The following NPPC variants were observed in gnomAD, a reference collection of about 807,000 sequenced individuals.
NPPC encodes the protein natriuretic peptide C.
Under a neutral mutation model 10.2 loss-of-function variants are expected in NPPC, and 4 were observed. That is an observed-to-expected ratio of 0.39 (90% CI 0.19 to 0.90). The LOEUF is 0.90. NPPC is among the 40% of genes least tolerant of loss of function. The pLI is 0.37. For missense variants in NPPC, 182 were observed against 173.8 expected (o/e 1.05, Z -0.26); for synonymous variants, 83 against 87.3 (o/e 0.95, Z 0.27).
intron 1 of NPPC, 134 bp from the exon 2 acceptor site, chr2:231,925,849 A>G: frequency 8.9e-7 from 1 of 1,126,910 alleles, no homozygotes; most frequent in Non-Finnish European, 1.2e-6. Flanking sequence ...GATGCCGGCC[A>G]GCTTGGCCCC....
Position 231,922,056 on chromosome 2 carries a change from G to A in NPPC, c.*280C>T, listed in dbSNP as rs1273910890. The stretch of plus-strand genomic sequence containing the variant: ...AAAAACTGTCCCTTGTCATCAAGTC[G>A]GTGTAGGTGTGTGTGTTTCATGTAT... On this transcript the variant is annotated 3_prime_UTR_variant, in exon 3 of 3. Transcript: ENST00000409852. 4.6e-5 allele frequency: 7 copies of A among 150,866 alleles called. No homozygotes were observed. Among genetic ancestry groups the A allele is most frequent in the Non-Finnish European group, 7.4e-5 (5 of 67,782 alleles). The allele number at this position is 150,866 out of a possible 1,614,324, so 9.3% of individuals were successfully genotyped here. A position where few individuals can be genotyped will look rare whatever the true frequency, so the allele number is the denominator to read the frequency against.
Position 231,925,466 on chromosome 2 carries a change from T to C in NPPC, c.340A>G (p.Lys114Glu), listed in dbSNP as rs1342311553. 6.2e-7 allele frequency: 1 copy of C among 1,612,238 alleles called. No individual in the cohort carries two copies. Among genetic ancestry groups the C allele is most frequent in the South Asian group, 1.1e-5 (1 of 90,792 alleles). The change falls in exon 2 of 3, where the codon AAG becomes GAG. Residue 114 changes from lysine (K) to glutamate (E), a missense_variant. Coordinates refer to ENST00000409852, the MANE Select transcript of NPPC (RefSeq NM_024409.4). ...CTCATGGAGCCGATTCGGTCCAGCT[T>C]GAGGCCGAAGCAGCCCTTGGACAAG... ...KGLSKGCFGL[K>E]LDRIGSMSGL...
Position 231,926,196 on chromosome 2 carries a change from G to T in NPPC, c.54C>A (p.Leu18=). 7.5e-7 allele frequency: 1 copy of T among 1,331,338 alleles called. No homozygotes were observed. Among genetic ancestry groups the T allele is most frequent in the Non-Finnish European group, 9.6e-7 (1 of 1,038,192 alleles). The allele number at this position is 1,331,338 out of a possible 1,614,324, so 82.5% of individuals were successfully genotyped here. Residue 18 remains leucine, a synonymous_variant, in exon 1 of 3, where the codon CTC becomes CTA. Transcript: ENST00000409852. ...ACALLLTLLS[L]RPSEAKPGAP... is the part of the protein sequence containing the mutation. Reference sequence around the variant, plus strand: ...CCCCGGGCTTGGCTTCGGAGGGCCGGAGGGAGAGCAGCGTGAGCAGCAGGG... The same window carrying T: ...CCCCGGGCTTGGCTTCGGAGGGCCGTAGGGAGAGCAGCGTGAGCAGCAGGG...
rs1691938128 is a variant in NPPC at position 231,922,198 on chromosome 2, A to G, written c.*138T>C. The G allele has an allele frequency of 6.6e-6, 1 of 152,058 alleles. No individual in the cohort carries two copies. The highest frequency in any genetic ancestry group is 2.1e-4 in the South Asian group (1 of 4,830). 9.4% of individuals were successfully genotyped at this position (152,058 alleles called of 1,614,324 possible). On this transcript the variant is annotated 3_prime_UTR_variant, in exon 3 of 3. Transcript: ENST00000409852. ...GCTGGTGTTGTGTATTCCCAGTACC[A>G]GGAAAAAAAAAGAAAGAAAGAAAGA...
chr2:231,925,579 C>T lies in NPPC; in HGVS notation c.227G>A (p.Arg76His). ...GDRSRLLRDL[R>H]VDTKSRAAWA... Reference sequence around the variant, plus strand: ...CGCTGCCCGCGACTTGGTGTCCACGCGCAGGTCCCGGAGCAGTCGCGACCG... The same window carrying T: ...CGCTGCCCGCGACTTGGTGTCCACGTGCAGGTCCCGGAGCAGTCGCGACCG... Residue 76 changes from arginine to histidine, a missense_variant, in exon 2 of 3, where the codon CGC (arginine) becomes CAC (histidine). By Grantham distance (29) the Arg-to-His change is conservative. Transcript: ENST00000409852. 6.2e-7 allele frequency: 1 copy of T among 1,612,354 alleles called. No individual in the cohort carries two copies. Among genetic ancestry groups the T allele is most frequent in the Non-Finnish European group, 8.5e-7 (1 of 1,179,618 alleles).
chr2:231,925,455 T>G lies in NPPC; in HGVS notation c.351A>C (p.Arg117=). 1 of 1,610,308 alleles carries G rather than the reference T, an allele frequency of 6.2e-7. No homozygotes were observed. ...ATCCCAGGCCGCTCATGGAGCCGAT[T>G]CGGTCCAGCTTGAGGCCGAAGCAGC... ...SKGCFGLKLD[R]IGSMSGLGC Residue 117 remains arginine, a synonymous_variant, in exon 2 of 3, where the codon CGA becomes CGC. Coordinates refer to ENST00000409852, the MANE Select transcript of NPPC (RefSeq NM_024409.4).
intron 1 of NPPC, 89 bp from the exon 2 acceptor site, chr2:231,925,804 G>T (rs1691998844): frequency 1.5e-6 from 2 of 1,375,974 alleles, no homozygotes; most frequent in Non-Finnish European, 1.9e-6. Flanking sequence ...CCGCCGGCGC[G>T]GGGTGTCCCT....
chr2:231,923,923 G>A lies in NPPC; in HGVS notation c.*20+1482C>T, dbSNP rs147087983. On this transcript the variant is annotated intron_variant, in intron 2 of 2. Coordinates refer to ENST00000409852, the MANE Select transcript of NPPC (RefSeq NM_024409.4). Reference sequence around the variant, plus strand: ...CTGAAAATTTGAGGCCTCAGACTCCGTCTCTTTGTTGTTTAGACAGGAGAG... The same window carrying A: ...CTGAAAATTTGAGGCCTCAGACTCCATCTCTTTGTTGTTTAGACAGGAGAG... Among the ~76,000 whole-genome samples the A allele has an allele frequency of 2.7e-3, 413 of 152,338 alleles. 2 individuals carry two copies. Among genetic ancestry groups the A allele is most frequent in the African/African-American group, 9.5e-3 (396 of 41,578 alleles).
rs377696754 is a variant in NPPC at position 231,926,256 on chromosome 2, G to A, written c.-7C>T. ...GCAGCTGGGAGAGATGCATGGTGCC[G>A]CTGGGGTCGAGGGGCGCACACGGGC... On this transcript the variant is annotated 5_prime_UTR_variant, in exon 1 of 3. Coordinates refer to ENST00000409852, the MANE Select transcript of NPPC (RefSeq NM_024409.4). The A allele has an allele frequency of 1.7e-4, 214 of 1,295,662 alleles. No individual in the cohort carries two copies. In the African/African-American group the frequency reaches 3.1e-3, roughly 18 times the overall value. The allele number at this position is 1,295,662 out of a possible 1,614,324, so 80.3% of individuals were successfully genotyped here.
At chr2:231,925,246 C>T in intron 2 of NPPC, 159 bp downstream of exon 2, 1 of 619,046 alleles carries the variant, frequency 1.6e-6, no homozygotes. Flanking sequence ...TCACGTTATC[C>T]TTCGCTTTCT....
chr2:231,923,302 C>T (rs1441942391), intron 2 of NPPC, among the ~76,000 whole-genome samples: 1 of 152,266 alleles, frequency 6.6e-6, no homozygotes, highest in East Asian at 1.9e-4. Context: ...CTGTCATTAG[C>T]ATTTTACAAT....
At position 231,925,578 on chromosome 2, in the gene NPPC, G is replaced by A. The variant is rs76093905; in HGVS notation, c.228C>T (p.Arg76=). ...GDRSRLLRDL[R]VDTKSRAAWA... is the part of the protein sequence containing the mutation. The stretch of plus-strand genomic sequence containing the variant: ...ACGCTGCCCGCGACTTGGTGTCCAC[G>A]CGCAGGTCCCGGAGCAGTCGCGACC... The change falls in exon 2 of 3, where the codon CGC becomes CGT. Residue 76 remains arginine (R), a synonymous_variant. Coordinates refer to ENST00000409852, the MANE Select transcript of NPPC (RefSeq NM_024409.4). 6.2e-7 allele frequency: 1 copy of A among 1,612,334 alleles called. No homozygotes were observed. Among genetic ancestry groups the A allele is most frequent in the East Asian group, 2.2e-5 (1 of 44,834 alleles).
intron 2 of NPPC, among the ~76,000 whole-genome samples, chr2:231,924,471 G>A (rs1020863082): frequency 1.3e-5 from 2 of 152,228 alleles, no homozygotes; most frequent in Non-Finnish European, 2.9e-5. Context: ...CTGAGCTGGA[G>A]GCAAGAAAGC....
At chr2:231,925,306 C>T in intron 2 of NPPC, 99 bp downstream of exon 2, 1 of 1,054,128 alleles carries the variant, frequency 9.5e-7, no homozygotes, top group Non-Finnish European at 1.3e-6. Context: ...ACGCCTAGCA[C>T]AACTTGAGCA....
intron 2 of NPPC, among the ~76,000 whole-genome samples, chr2:231,923,317 A>G (rs928030708): frequency 3.3e-5 from 5 of 152,262 alleles, no homozygotes; most frequent in African/African-American, 1.2e-4. Context: ...TACAATGAAT[A>G]CCTAGAACCA....
chr2:231,922,691 G>A (rs556081584), intron 2 of NPPC, among the ~76,000 whole-genome samples: 11 of 152,180 alleles, frequency 7.2e-5, no homozygotes, highest in Non-Finnish European at 1.5e-4. Flanking sequence ...CCCGGGGTTC[G>A]TGTGTCTGAG....
intron 2 of NPPC, among the ~76,000 whole-genome samples, chr2:231,924,770 G>A (rs1302040867): frequency 6.6e-6 from 1 of 152,142 alleles, no homozygotes; most frequent in Admixed American, 6.5e-5. Flanking sequence ...TTGAGTTCGA[G>A]GCTGGGGCAA....
chr2:231,924,371 G>C (rs948068588), intron 2 of NPPC, among the ~76,000 whole-genome samples: 7 of 152,244 alleles, frequency 4.6e-5, no homozygotes, highest in Admixed American at 6.5e-5. Flanking sequence ...GAGAAGATCC[G>C]ACACTGACAA....
Position 231,926,222 on chromosome 2 carries a change from C to G in NPPC, c.28G>C (p.Ala10Pro). 2 of 1,329,422 alleles carry G rather than the reference C, an allele frequency of 1.5e-6. No individual in the cohort carries two copies. The highest frequency in any genetic ancestry group is 1.9e-6 in the Non-Finnish European group (2 of 1,036,642). The allele number at this position is 1,329,422 out of a possible 1,614,324, so 82.4% of individuals were successfully genotyped here. A position where few individuals can be genotyped will look rare whatever the true frequency, so the allele number is the denominator to read the frequency against. Residue 10 changes from alanine (A) to proline (P), a missense_variant, in exon 1 of 3, where the codon GCC (alanine) becomes CCC (proline). By Grantham distance (27) the Ala-to-Pro change is conservative. Transcript: ENST00000409852. MHLSQLLAC[A>P]LLLTLLSLRP... ...AGGGAGAGCAGCGTGAGCAGCAGGG[C>G]GCAGGCCAGCAGCTGGGAGAGATGC...
Sources: gnomAD v4.1 joint callset for allele counts (sites outside exome capture counted in the v4.1 genomes callset) on GRCh38, gnomAD v4.1.1 for gene constraint, MANE v1.5 for transcripts, NCBI Gene and HGNC (gene_info 2026-07-23, HGNC 2026-07-21) for gene names.